MKLN1: variants seen among roughly 807,000 people sequenced by gnomAD.
MKLN1 encodes muskelin 1, also known as muskelin.
Under a neutral mutation model 99.0 loss-of-function variants are expected in MKLN1, and 18 were observed. That is an observed-to-expected ratio of 0.18 (90% CI 0.13 to 0.27). MKLN1 has a LOEUF of 0.27. Ranked by LOEUF, MKLN1 falls within the 10% of genes least tolerant of loss-of-function variation. The pLI is 1.00. For synonymous variants in MKLN1, 288 were observed against 293.2 expected, an observed-to-expected ratio of 0.98 and a Z score of 0.18; for missense variants, 621 against 875.9, an observed-to-expected ratio of 0.71 and a Z score of 3.67.
intron 14 of MKLN1, among the ~76,000 whole-genome samples, chr7:131,465,767 C>T (rs936290038): frequency 2.0e-5 from 3 of 152,096 alleles, no homozygotes; most frequent in African/African-American, 4.8e-5. Context: ...TCTCAATCTC[C>T]TGACCTCATG....
rs755522990 is a variant in MKLN1, at chr7:131,489,585, G to T, written c.*1857G>T. On this transcript the variant is annotated 3_prime_UTR_variant, in exon 18 of 18. Transcript: ENST00000352689. ...AGAAGATTGACAAGGAAGAACTTGA[G>T]CTTGCTAAATAAGACTTCCTAAATT... The T allele has an allele frequency of 1.2e-4, 19 of 152,266 alleles. No homozygotes were observed. The highest frequency in any genetic ancestry group is 2.4e-4 in the Non-Finnish European group (16 of 68,014). The allele number at this position is 152,266 out of a possible 1,614,324, so 9.4% of individuals were successfully genotyped here. A position where few individuals can be genotyped will look rare whatever the true frequency, so the allele number is the denominator to read the frequency against.
chr7:131,117,417 G>A (rs1468439334), intron 1 of MKLN1, among the ~76,000 whole-genome samples: 2 of 148,780 alleles, frequency 1.3e-5, no homozygotes, highest in African/African-American at 2.5e-5. Flanking sequence ...GCGACAGACC[G>A]AGACTCCATC....
chr7:131,429,124 C>T lies in MKLN1; in HGVS notation c.939C>T (p.Ile313=). The change falls in exon 9 of 18, where the codon ATC becomes ATT. Residue 313 remains isoleucine, a synonymous_variant. Transcript: ENST00000352689. ...TGAAGGAGAACCAGTGGACATGTAT[C>T]TCTAGAGACACTGAAAAAGAGGCAA... ...YSVKENQWTC[I]SRDTEKENGP... The T allele has an allele frequency of 6.2e-7, 1 of 1,612,894 alleles. No homozygotes were observed. The highest frequency in any genetic ancestry group is 8.5e-7 in the Non-Finnish European group (1 of 1,179,156).
intron 1 of MKLN1, among the ~76,000 whole-genome samples, chr7:131,133,825 T>G (rs1349321516): frequency 6.8e-5 from 8 of 118,414 alleles, no homozygotes; most frequent in Admixed American, 1.0e-4. Flanking sequence ...ATTTGGTTTT[T>G]TTTTTTTTTT....
intron 17 of MKLN1, among the ~76,000 whole-genome samples, chr7:131,486,599 T>C (rs1039172508): frequency 6.6e-6 from 1 of 152,262 alleles, no homozygotes. Flanking sequence ...TGATCTGAAG[T>C]CACTTTCACT....
At chr7:131,428,538 C>G (rs1429913493) in intron 8 of MKLN1, among the ~76,000 whole-genome samples, 4 of 152,092 alleles carry the variant, frequency 2.6e-5, no homozygotes, top group Non-Finnish European at 5.9e-5. Context: ...TCAAAAACAG[C>G]TAAATGTTCT....
At chr7:131,243,118 C>T (rs536811278) in intron 3 of MKLN1, 2 of 340,152 alleles carry the variant, frequency 5.9e-6, no homozygotes, top group South Asian at 5.9e-5. Flanking sequence ...AGACAATAGT[C>T]ATCAAATTAC....
chr7:131,156,467 A>G (rs1335181220), intron 2 of MKLN1, among the ~76,000 whole-genome samples: 6 of 150,904 alleles, frequency 4.0e-5, no homozygotes, highest in African/African-American at 1.5e-4. Flanking sequence ...AAAAAAAAAA[A>G]AAAGAAAAGT....
intron 2 of MKLN1, among the ~76,000 whole-genome samples, chr7:131,157,275 A>G (rs1795983558): frequency 6.6e-6 from 1 of 152,154 alleles, no homozygotes; most frequent in African/African-American, 2.4e-5. Flanking sequence ...GTGTGTGCCT[A>G]TAGTCCCAGC....
intron 1 of MKLN1, among the ~76,000 whole-genome samples, chr7:131,355,219 C>A (rs1799837803): frequency 6.6e-6 from 1 of 152,118 alleles, no homozygotes. Flanking sequence ...CTCTTCTACT[C>A]TTTTTCAGGG....
chr7:131,405,649 C>T (rs1382144879), intron 6 of MKLN1, among the ~76,000 whole-genome samples: 1 of 151,804 alleles, frequency 6.6e-6, no homozygotes, highest in African/African-American at 2.4e-5. Flanking sequence ...TATTTTTGTT[C>T]AGTTTAGTAT....
chr7:131,198,651 A>G (rs970288989), intron 2 of MKLN1, among the ~76,000 whole-genome samples: 1 of 152,218 alleles, frequency 6.6e-6, no homozygotes, highest in African/African-American at 2.4e-5. Flanking sequence ...TTTAAAAGCA[A>G]ATTTTGAAAA....
intron 1 of MKLN1, among the ~76,000 whole-genome samples, chr7:131,365,211 A>T (rs1428602659): frequency 6.6e-6 from 1 of 152,184 alleles, no homozygotes; most frequent in African/African-American, 2.4e-5. Flanking sequence ...ATGATCGGTG[A>T]TACTGAGATT....
At chr7:131,464,489 A>T in intron 14 of MKLN1, 81 bp downstream of exon 14, 1 of 789,504 alleles carries the variant, frequency 1.3e-6, no homozygotes, top group African/African-American at 1.7e-5. Flanking sequence ...GATTGTTTTA[A>T]ATTGGATTTG....
chr7:131,313,093 A>G (rs1002329793), intron 3 of MKLN1, among the ~76,000 whole-genome samples: 1 of 152,238 alleles, frequency 6.6e-6, no homozygotes, highest in Non-Finnish European at 1.5e-5. Context: ...AGTATAAACC[A>G]GTCTAACCAA....
chr7:131,144,543 TG>T (rs1379075009), intron 2 of MKLN1, among the ~76,000 whole-genome samples: 1 of 152,072 alleles, frequency 6.6e-6, no homozygotes, highest in African/African-American at 2.4e-5. Context: ...GATGAGGTTT[TG>T]CTATGTTACC....
At chr7:131,436,588 GA>G (rs1232665594) in intron 9 of MKLN1, among the ~76,000 whole-genome samples, 2 of 152,172 alleles carry the variant, frequency 1.3e-5, no homozygotes, top group Non-Finnish European at 2.9e-5. Context: ...TGGACTCTGT[GA>G]AATGGTGATA....
chr7:131,174,745 T>C (rs1796267860), intron 2 of MKLN1, among the ~76,000 whole-genome samples: 1 of 152,174 alleles, frequency 6.6e-6, no homozygotes, highest in Non-Finnish European at 1.5e-5. Context: ...TCAGTACCAA[T>C]CTTGATGAGA....
chr7:131,287,156 T>C (rs1314696929), intron 3 of MKLN1, among the ~76,000 whole-genome samples: 4 of 152,196 alleles, frequency 2.6e-5, no homozygotes, highest in Non-Finnish European at 5.9e-5. Context: ...GGCAAAAGAA[T>C]GTCCAGCTAA....
Sources: allele counts gnomAD v4.1 joint callset (sites outside exome capture counted in the v4.1 genomes callset), GRCh38; gene constraint gnomAD v4.1.1; transcripts MANE v1.5; gene names NCBI Gene and HGNC (gene_info 2026-07-23, HGNC 2026-07-21).